Variants in SUMF1 observed in about 807,000 individuals in gnomAD.
The protein encoded by SUMF1 is sulfatase modifying factor 1, also known as formylglycine-generating enzyme.
SUMF1 carries 48 observed loss-of-function variants against 47.6 expected under a neutral mutation model. The ratio of observed to expected loss-of-function variants is 1.01; its 90% CI spans 0.80 to 1.28. The LOEUF (loss-of-function observed/expected upper bound fraction) is 1.28. Among genes scored for constraint, SUMF1 ranks in the 50% most tolerant of loss-of-function variants. SUMF1 has a pLI of 0.00. For missense variants in SUMF1, 571 were observed against 485.4 expected (o/e 1.18, Z -1.66); for synonymous variants, 230 against 192.1 (o/e 1.20, Z -1.63).
intron 9 of SUMF1, among the ~76,000 whole-genome samples, chr3:4,046,360 G>C (rs922253750): frequency 1.3e-5 from 2 of 152,242 alleles, no homozygotes; most frequent in African/African-American, 4.8e-5. Context: ...CACACACCTA[G>C]ATTACCTGCC....
intron 8 of SUMF1, among the ~76,000 whole-genome samples, chr3:4,293,445 T>G (rs1407309227): frequency 1.3e-5 from 2 of 152,220 alleles, no homozygotes; most frequent in East Asian, 3.8e-4. Context: ...CACTTATTTT[T>G]AAAAGCCCGA....
At chr3:4,431,654 C>T (rs2125073575) in intron 3 of SUMF1, among the ~76,000 whole-genome samples, 1 of 152,306 alleles carries the variant, frequency 6.6e-6, no homozygotes, top group South Asian at 2.1e-4. Flanking sequence ...AAGGCTGTAA[C>T]ATCATGGCCC....
intron 8 of SUMF1, among the ~76,000 whole-genome samples, chr3:4,342,047 T>A (rs781473096): frequency 6.6e-6 from 1 of 152,226 alleles, no homozygotes; most frequent in Non-Finnish European, 1.5e-5. Flanking sequence ...CAAGTTTATA[T>A]TGAAAAACCC....
At chr3:4,273,571 A>C (rs1697346318) in intron 8 of SUMF1, among the ~76,000 whole-genome samples, 1 of 152,054 alleles carries the variant, frequency 6.6e-6, no homozygotes. Flanking sequence ...AAATGTTCCA[A>C]CATTGAATTG....
At chr3:4,111,691 A>T (rs1320721998) in intron 8 of SUMF1, among the ~76,000 whole-genome samples, 4 of 152,086 alleles carry the variant, frequency 2.6e-5, no homozygotes, top group Non-Finnish European at 2.9e-5. Context: ...GTGAGCCGAG[A>T]TTGTGCCATT....
At chr3:4,104,328 G>A (rs560146455) in intron 8 of SUMF1, among the ~76,000 whole-genome samples, 1 of 152,186 alleles carries the variant, frequency 6.6e-6, no homozygotes, top group African/African-American at 2.4e-5. Context: ...CAGTCATGTG[G>A]AATTGTGAGT....
chr3:4,316,411 G>A, intron 8 of SUMF1: 2 of 1,581,334 alleles, frequency 1.3e-6, no homozygotes, highest in Admixed American at 3.5e-5. Flanking sequence ...GAGCGTAGTG[G>A]CCGGCCATCA....
At chr3:4,111,094 A>G (rs1693295706) in intron 8 of SUMF1, among the ~76,000 whole-genome samples, 1 of 151,882 alleles carries the variant, frequency 6.6e-6, no homozygotes, top group Admixed American at 6.6e-5. Context: ...AATGATTAAG[A>G]AAGAAAATAC....
chr3:4,384,663 T>G (rs111423297), intron 7 of SUMF1, among the ~76,000 whole-genome samples: 9 of 152,174 alleles, frequency 5.9e-5, no homozygotes, highest in African/African-American at 2.2e-4. Context: ...ATACCAACAA[T>G]CTATCCCTTA....
intron 3 of SUMF1, among the ~76,000 whole-genome samples, chr3:4,433,431 T>C (rs1458753839): frequency 6.6e-6 from 1 of 152,230 alleles, no homozygotes; most frequent in African/African-American, 2.4e-5. Flanking sequence ...CATGTTTTGC[T>C]TCCTGAGCTT....
chr3:4,166,574 G>A (rs763748074), intron 8 of SUMF1, among the ~76,000 whole-genome samples: 4 of 152,134 alleles, frequency 2.6e-5, no homozygotes, highest in Non-Finnish European at 4.4e-5. Flanking sequence ...GAAACTAGAA[G>A]AGCACCAGAG....
At chr3:4,348,910 C>G (rs533140258) in intron 8 of SUMF1, among the ~76,000 whole-genome samples, 5 of 152,000 alleles carry the variant, frequency 3.3e-5, no homozygotes, top group Non-Finnish European at 5.9e-5. Flanking sequence ...AGAAGAAAAC[C>G]TAGGCAATAC....
rs563907603 is a variant in SUMF1, at chr3:4,401,135, G to T, written c.954+9730C>A. Among the ~76,000 whole-genome samples, 3 of 152,060 alleles carry T rather than the reference G, an allele frequency of 2.0e-5. No individual in the cohort carries two copies. The East Asian group carries it at 5.8e-4, about 29-fold the overall frequency. On this transcript the variant is annotated intron_variant, in intron 7 of 8. Transcript: ENST00000272902. Reference sequence around the variant, plus strand: ...CAGCTTCATCCATGTCCCTACAAAGGACATGAACTCATCATTTTTCATGGC... The same window carrying T: ...CAGCTTCATCCATGTCCCTACAAAGTACATGAACTCATCATTTTTCATGGC...
chr3:4,333,793 A>G (rs308741), intron 8 of SUMF1, among the ~76,000 whole-genome samples: 18,286 of 151,758 alleles, frequency 0.12, 1,667 homozygotes, highest in South Asian at 0.31. Flanking sequence ...TTTTTTAAAG[A>G]AAGCCAACAA....
intron 8 of SUMF1, among the ~76,000 whole-genome samples, chr3:4,184,809 C>T (rs749290573): frequency 1.3e-5 from 2 of 151,848 alleles, no homozygotes; most frequent in Non-Finnish European, 2.9e-5. Flanking sequence ...CCACCATGCT[C>T]AGCTAATTTT....
chr3:4,163,570 C>T (rs946738510), intron 8 of SUMF1, among the ~76,000 whole-genome samples: 1 of 150,440 alleles, frequency 6.6e-6, no homozygotes, highest in African/African-American at 2.4e-5. Context: ...AGGATACTGT[C>T]CTTGGACCCA....
In SUMF1 at chr3:4,405,097, G is replaced by A. The variant is rs545742037; in HGVS notation, c.954+5768C>T. Among the ~76,000 whole-genome samples, 28 of 152,328 alleles carry A rather than the reference G, an allele frequency of 1.8e-4. 1 individual carries two copies. The South Asian group carries it at 5.8e-3, about 32-fold the overall frequency. ...TGGTGGGAGGCCAGAGGATCACAGGGAAGGGGAACAATCAAGTGTGGAGTT... is the reference window on the plus strand; with the variant it reads ...TGGTGGGAGGCCAGAGGATCACAGGAAAGGGGAACAATCAAGTGTGGAGTT... On this transcript the variant is annotated intron_variant, in intron 7 of 8. Coordinates refer to ENST00000272902, the MANE Select transcript of SUMF1 (RefSeq NM_182760.4).
chr3:4,382,233 C>T (rs1192739354), intron 7 of SUMF1, among the ~76,000 whole-genome samples: 2 of 151,876 alleles, frequency 1.3e-5, no homozygotes, highest in South Asian at 2.1e-4. Flanking sequence ...ATCGGTGTCA[C>T]GATAAAAGCC....
chr3:4,326,750 A>G (rs960048867), intron 8 of SUMF1, among the ~76,000 whole-genome samples: 12 of 151,910 alleles, frequency 7.9e-5, no homozygotes, highest in African/African-American at 2.9e-4. Context: ...CAAACTCCTG[A>G]GCTCAGGTGA....
Sources: allele counts gnomAD v4.1 joint callset (sites outside exome capture counted in the v4.1 genomes callset), GRCh38; gene constraint gnomAD v4.1.1; transcripts MANE v1.5; gene names NCBI Gene and HGNC (gene_info 2026-07-23, HGNC 2026-07-21).